Variants in UNC80 observed in about 807,000 individuals in gnomAD.
UNC80 encodes the protein protein unc-80 homolog.
Under a neutral mutation model 384.6 loss-of-function variants are expected in UNC80, and 164 were observed. The ratio of observed to expected loss-of-function variants is 0.43; its 90% CI spans 0.38 to 0.49. The LOEUF is 0.49. Ranked by LOEUF, UNC80 falls within the 20% of genes least tolerant of loss-of-function variation. The pLI is 0.00. For synonymous variants in UNC80, 1,486 were observed against 1,527.8 expected, an observed-to-expected ratio of 0.97 and a Z score of 0.64; for missense variants, 3,330 against 4,143.0, an observed-to-expected ratio of 0.80 and a Z score of 5.39.
Position 209,775,873 on chromosome 2 carries a change from G to A in UNC80, c.142-16G>A, listed in dbSNP as rs1299154027. ...GATTTTGGCTTTTCTTATTGTTTTT[G>A]TTTTTGTATTTACAGTCCTTTGAGC... On this transcript the variant is annotated splice_polypyrimidine_tract_variant and intron_variant, in intron 2 of 64. Transcript: ENST00000673920. 2.5e-6 allele frequency: 4 copies of A among 1,604,614 alleles called. No individual in the cohort carries two copies. In the East Asian group the frequency reaches 6.7e-5, roughly 27 times the overall value.
chr2:209,981,280 A>C (rs2093150515), intron 59 of UNC80, among the ~76,000 whole-genome samples: 1 of 152,240 alleles, frequency 6.6e-6, no homozygotes, highest in African/African-American at 2.4e-5. Context: ...ATTTGAATAC[A>C]TTAATTTCTG....
intron 35 of UNC80, among the ~76,000 whole-genome samples, chr2:209,923,087 G>A (rs540459969): frequency 4.6e-5 from 7 of 152,182 alleles, no homozygotes; most frequent in South Asian, 2.1e-4. Context: ...CTCCCATTTC[G>A]TAGTTTGTCT....
Position 209,957,670 on chromosome 2 carries a change from G to C in UNC80, c.7484G>C (p.Arg2495Thr). 6.4e-7 allele frequency: 1 copy of C among 1,551,476 alleles called. No homozygotes were observed. The highest frequency in any genetic ancestry group is 8.7e-7 in the Non-Finnish European group (1 of 1,146,854). The change falls in exon 49 of 65, where the codon AGG becomes ACG. Residue 2495 changes from arginine to threonine, a missense_variant. Transcript: ENST00000673920. ...TRPMTAPQMSRCDQGHKGTTT... is the reference protein window; with the variant it reads ...TRPMTAPQMSTCDQGHKGTTT... The stretch of plus-strand genomic sequence containing the variant: ...CCCATGACAGCCCCACAGATGAGCA[G>C]GTGTGACCAAGGTCATAAGGGAACC...
chr2:209,950,096 T>G (rs1293039636), intron 47 of UNC80, among the ~76,000 whole-genome samples: 1 of 151,964 alleles, frequency 6.6e-6, no homozygotes, highest in Non-Finnish European at 1.5e-5. Context: ...CCTCCCAAAG[T>G]GCTGGGATTA....
At chr2:209,918,785 G>T (rs2089779085) in intron 33 of UNC80, 122 bp downstream of exon 33, 1 of 1,161,360 alleles carries the variant, frequency 8.6e-7, no homozygotes. Context: ...CAGCACAAAA[G>T]ATCTTTGTCC....
rs970247871 is a variant in UNC80 at position 209,933,676 on chromosome 2, A to G, written c.5995-146A>G. On this transcript the variant is annotated intron_variant, in intron 38 of 64. Transcript: ENST00000673920. The stretch of plus-strand genomic sequence containing the variant: ...TTTTCCAGTTATGCCCTCTCCTGGT[A>G]ACATTGAAAGTGTTAGAGAAGCATC... 1.0e-4 allele frequency: 58 copies of G among 578,188 alleles called. No homozygotes were observed. In the African/African-American group the frequency reaches 1.1e-3, roughly 11 times the overall value. 35.8% of individuals were successfully genotyped at this position (578,188 alleles called of 1,614,324 possible). A position where few individuals can be genotyped will look rare whatever the true frequency, so the allele number is the denominator to read the frequency against.
In UNC80 at chr2:209,820,357, C is replaced by G; in HGVS notation, c.2009C>G (p.Ser670Cys). The G allele has an allele frequency of 6.4e-7, 1 of 1,551,514 alleles. No homozygotes were observed. The highest frequency in any genetic ancestry group is 8.7e-7 in the Non-Finnish European group (1 of 1,146,886). ...VYLVLNHDISSRICDVALNIV... is the reference protein window; with the variant it reads ...VYLVLNHDISCRICDVALNIV... ...CTTGTCCTTAATCATGACATCAGCT[C>G]TCGTATCTGTGACGTGGCGCTAAAC... The change falls in exon 13 of 65, where the codon TCT (serine) becomes TGT (cysteine). Residue 670 changes from serine (S) to cysteine (C), a missense_variant. By Grantham distance (112) the Ser-to-Cys change is moderately radical. Around this residue, in one of 8 missense-constraint regions of UNC80, gnomAD observed 937 missense variants for 1,026.8 expected, o/e 0.91. Coordinates refer to ENST00000673920, the MANE Select transcript of UNC80 (RefSeq NM_001371986.1).
chr2:209,885,003 T>C (rs1378936385), intron 25 of UNC80, among the ~76,000 whole-genome samples: 1 of 151,900 alleles, frequency 6.6e-6, no homozygotes, highest in East Asian at 1.9e-4. Flanking sequence ...ATGGCACACG[T>C]TTGCCTATGT....
intron 51 of UNC80, chr2:209,960,825 T>G (rs1368029873): frequency 2.0e-5 from 3 of 152,214 alleles, no homozygotes; most frequent in Non-Finnish European, 4.4e-5. Context: ...CACTGAGAAG[T>G]TCAGCTCCTA....
At position 209,834,182 on chromosome 2, in the gene UNC80, ACT is replaced by A; in HGVS notation, c.2942+19_2942+20del. On this transcript the variant is annotated intron_variant, in intron 17 of 64. Coordinates refer to ENST00000673920, the MANE Select transcript of UNC80 (RefSeq NM_001371986.1). ...AGGCAGTAAAAGGTTGGAAGCTTGA[ACT>A]CTCTGAATATTACTGTTTGCCTTAA... 1.3e-6 allele frequency: 2 copies of A among 1,550,710 alleles called. No homozygotes were observed. Among genetic ancestry groups the A allele is most frequent in the Non-Finnish European group, 1.7e-6 (2 of 1,146,560 alleles).
chr2:209,813,124 CA>C (rs1481837040), intron 7 of UNC80, among the ~76,000 whole-genome samples: 2 of 152,170 alleles, frequency 1.3e-5, no homozygotes, highest in African/African-American at 4.8e-5. Context: ...CTGTTTCTAT[CA>C]GGGTAAAAGT....
chr2:209,911,465 T>TC (rs2088933260), intron 29 of UNC80, among the ~76,000 whole-genome samples: 1 of 152,322 alleles, frequency 6.6e-6, no homozygotes, highest in Non-Finnish European at 1.5e-5. Context: ...TGAAGTAGGT[T>TC]CATTTTAAAA....
At chr2:209,951,032 G>A (rs920065084) in intron 47 of UNC80, among the ~76,000 whole-genome samples, 48 of 152,076 alleles carry the variant, frequency 3.2e-4, no homozygotes, top group African/African-American at 1.1e-3. Context: ...AATTAGCGGG[G>A]CATGGTGGTG....
intron 5 of UNC80, among the ~76,000 whole-genome samples, chr2:209,787,163 CA>C (rs1254555592): frequency 6.6e-6 from 1 of 152,100 alleles, no homozygotes; most frequent in African/African-American, 2.4e-5. Flanking sequence ...AAACCAGACT[CA>C]GCTTAGACAG....
chr2:209,812,635 T>TAGATTTA (rs1447807626), intron 7 of UNC80, among the ~76,000 whole-genome samples: 1 of 152,214 alleles, frequency 6.6e-6, no homozygotes, highest in African/African-American at 2.4e-5. Flanking sequence ...GTTTAGATTT[T>TAGATTTA]AGATTTAAGA....
At chr2:209,912,747 G>T (rs1232184366) in intron 30 of UNC80, 80 bp downstream of exon 30, 4 of 968,136 alleles carry the variant, frequency 4.1e-6, no homozygotes, top group Non-Finnish European at 6.2e-6. Flanking sequence ...CTAATGTTTG[G>T]GACATACAAC....
At chr2:209,973,998 A>G (rs940517155) in intron 56 of UNC80, among the ~76,000 whole-genome samples, 1 of 152,114 alleles carries the variant, frequency 6.6e-6, no homozygotes, top group African/African-American at 2.4e-5. Context: ...CCGGGGAGCA[A>G]TGGAAAGCCA....
In UNC80 at chr2:209,997,711, A is replaced by C. The variant is rs1214742504; in HGVS notation, c.*2116A>C. 1 of 152,172 alleles carries C rather than the reference A, an allele frequency of 6.6e-6. No homozygotes were observed. Among genetic ancestry groups the C allele is most frequent in the Admixed American group, 6.5e-5 (1 of 15,276 alleles). The allele number at this position is 152,172 out of a possible 1,614,324, so 9.4% of individuals were successfully genotyped here. ...TAAGCTAAGCAATGTTGTAACTTGC[A>C]AAAAAGCCTCCACTCTGAGAAACAG... On this transcript the variant is annotated 3_prime_UTR_variant, in exon 65 of 65. Coordinates refer to ENST00000673920, the MANE Select transcript of UNC80 (RefSeq NM_001371986.1).
chr2:209,819,827 T>C (rs1213939588), intron 12 of UNC80, among the ~76,000 whole-genome samples: 1 of 152,160 alleles, frequency 6.6e-6, no homozygotes, highest in Non-Finnish European at 1.5e-5. Flanking sequence ...AGGAACATAA[T>C]TTAAACATGC....
Sources: gnomAD v4.1 joint callset for allele counts (sites outside exome capture counted in the v4.1 genomes callset) on GRCh38, gnomAD v4.1.1 for gene constraint, gnomAD v4.1.1 regional missense constraint, MANE v1.5 for transcripts, NCBI Gene and HGNC (gene_info 2026-07-23, HGNC 2026-07-21) for gene names.